Variants in CADM1 observed in about 807,000 individuals in gnomAD.
CADM1 encodes the protein TSLC-1.
Under a neutral mutation model 53.1 loss-of-function variants are expected in CADM1, and 15 were observed. The observed-to-expected ratio is 0.28, with a 90% CI of 0.19 to 0.44. The LOEUF is 0.44. Among genes scored for constraint, CADM1 ranks in the 20% least tolerant of loss-of-function variants. CADM1 has a pLI of 1.00. For synonymous variants in CADM1, 281 were observed against 243.0 expected (o/e 1.16, Z -1.45); for missense variants, 434 against 611.3 (o/e 0.71, Z 3.06).
At chr11:115,208,297 CT>C (rs1041393986) in intron 8 of CADM1, among the ~76,000 whole-genome samples, 1 of 152,138 alleles carries the variant, frequency 6.6e-6, no homozygotes, top group Non-Finnish European at 1.5e-5. Context: ...CTTTTTTCCA[CT>C]GTAATGGGTA....
At chr11:115,193,611 C>A (rs1940000419) in intron 9 of CADM1, among the ~76,000 whole-genome samples, 1 of 151,968 alleles carries the variant, frequency 6.6e-6, no homozygotes, top group South Asian at 2.1e-4. Flanking sequence ...TAAGAAAAAC[C>A]TCAAAAAATT....
At chr11:115,431,046 A>C (rs1948034096) in intron 1 of CADM1, among the ~76,000 whole-genome samples, 1 of 152,164 alleles carries the variant, frequency 6.6e-6, no homozygotes, top group Non-Finnish European at 1.5e-5. Context: ...TTAGAGTTGC[A>C]ACTGAGTACT....
At chr11:115,259,586 G>A (rs10891815) in intron 1 of CADM1, among the ~76,000 whole-genome samples, 32,220 of 151,950 alleles carry the variant, frequency 0.21, 5,489 homozygotes, top group East Asian at 0.69. Flanking sequence ...GATTACAGGT[G>A]GGAGCCACCA....
At chr11:115,275,759 A>G (rs1943427141) in intron 1 of CADM1, among the ~76,000 whole-genome samples, 1 of 152,234 alleles carries the variant, frequency 6.6e-6, no homozygotes, top group African/African-American at 2.4e-5. Context: ...AAGCCTTAAT[A>G]AGGAGAAAAA....
At chr11:115,366,490 C>T (rs746548062) in intron 1 of CADM1, among the ~76,000 whole-genome samples, 18 of 152,132 alleles carry the variant, frequency 1.2e-4, no homozygotes, top group Non-Finnish European at 2.5e-4. Flanking sequence ...CATATCCCCT[C>T]GGAGATCCTG....
chr11:115,372,599 G>A (rs1591756935), intron 1 of CADM1, among the ~76,000 whole-genome samples: 1 of 152,134 alleles, frequency 6.6e-6, no homozygotes, highest in Admixed American at 6.5e-5. Context: ...TTAAATGAAT[G>A]TAAAAGATTA....
intron 1 of CADM1, among the ~76,000 whole-genome samples, chr11:115,365,925 A>G (rs961446890): frequency 1.3e-5 from 2 of 152,200 alleles, no homozygotes; most frequent in African/African-American, 2.4e-5. Context: ...CACGGTCACA[A>G]TTAACACTGG....
intron 1 of CADM1, among the ~76,000 whole-genome samples, chr11:115,319,624 G>A (rs867318650): frequency 2.0e-5 from 3 of 152,100 alleles, no homozygotes; most frequent in African/African-American, 4.8e-5. Flanking sequence ...AATAAGTCAC[G>A]TAGTCAGAAA....
intron 1 of CADM1, among the ~76,000 whole-genome samples, chr11:115,284,892 T>C (rs967768494): frequency 9.2e-5 from 14 of 152,252 alleles, no homozygotes; most frequent in African/African-American, 3.4e-4. Flanking sequence ...TTAAATGAAC[T>C]GACCAAAGTC....
At chr11:115,457,118 C>G (rs1465627056) in intron 1 of CADM1, among the ~76,000 whole-genome samples, 1 of 152,154 alleles carries the variant, frequency 6.6e-6, no homozygotes, top group Non-Finnish European at 1.5e-5. Context: ...TTAATCTCCT[C>G]CACAACCCTA....
At chr11:115,313,495 G>A (rs146729194) in intron 1 of CADM1, among the ~76,000 whole-genome samples, 80 of 152,254 alleles carry the variant, frequency 5.3e-4, no homozygotes, top group African/African-American at 1.8e-3. Flanking sequence ...ATCATAGATA[G>A]TACTAGATAT....
chr11:115,376,926 T>C (rs946522602), intron 1 of CADM1, among the ~76,000 whole-genome samples: 1 of 152,200 alleles, frequency 6.6e-6, no homozygotes, highest in African/African-American at 2.4e-5. Flanking sequence ...GACAACAGCA[T>C]GTTTTATAAG....
intron 1 of CADM1, among the ~76,000 whole-genome samples, chr11:115,433,677 T>G (rs1448760781): frequency 6.6e-6 from 1 of 152,176 alleles, no homozygotes; most frequent in Admixed American, 6.5e-5. Flanking sequence ...AGGTATCACT[T>G]CAAATATAAT....
intron 1 of CADM1, among the ~76,000 whole-genome samples, chr11:115,479,284 C>T (rs963526445): frequency 6.6e-6 from 1 of 152,130 alleles, no homozygotes; most frequent in Admixed American, 6.6e-5. Flanking sequence ...TGTTCAAATT[C>T]TACATTAAAA....
At chr11:115,379,993 G>T (rs1354087100) in intron 1 of CADM1, among the ~76,000 whole-genome samples, 1 of 152,064 alleles carries the variant, frequency 6.6e-6, no homozygotes, top group Non-Finnish European at 1.5e-5. Flanking sequence ...CAGATCAATG[G>T]GGTGAAATAA....
intron 1 of CADM1, among the ~76,000 whole-genome samples, chr11:115,324,069 AG>A (rs1944895996): frequency 6.6e-6 from 1 of 152,118 alleles, no homozygotes; most frequent in African/African-American, 2.4e-5. Context: ...TCATATATGA[AG>A]GAGAAAAACC....
intron 1 of CADM1, among the ~76,000 whole-genome samples, chr11:115,483,431 G>C (rs1317941945): frequency 6.6e-6 from 1 of 152,032 alleles, no homozygotes; most frequent in Admixed American, 6.6e-5. Flanking sequence ...CCTTCCTAAG[G>C]ACAAAGCTAG....
At chr11:115,287,069 GCCTTT>G (rs918713388) in intron 1 of CADM1, among the ~76,000 whole-genome samples, 72 of 152,262 alleles carry the variant, frequency 4.7e-4, no homozygotes, top group African/African-American at 1.6e-3. Context: ...TTGAAACACT[GCCTTT>G]CCTTTCTTTT....
chr11:115,436,610 TTC>T (rs1948189321), intron 1 of CADM1, among the ~76,000 whole-genome samples: 2 of 152,180 alleles, frequency 1.3e-5, no homozygotes, highest in East Asian at 3.9e-4. Context: ...ACAGGTTAGC[TTC>T]TCTCTCCCAT....
Sources: allele counts gnomAD v4.1 joint callset (sites outside exome capture counted in the v4.1 genomes callset), GRCh38; gene constraint gnomAD v4.1.1; transcripts MANE v1.5; gene names NCBI Gene and HGNC (gene_info 2026-07-23, HGNC 2026-07-21).